PAFAH1B2: variants seen among roughly 807,000 people sequenced by gnomAD.
The protein encoded by PAFAH1B2 is platelet activating factor acetylhydrolase 1b catalytic subunit 2.
PAFAH1B2 carries 8 observed loss-of-function variants against 28.0 expected under a neutral mutation model. The ratio of observed to expected loss-of-function variants is 0.29; its 90% CI spans 0.17 to 0.52. The LOEUF (loss-of-function observed/expected upper bound fraction) is 0.52, where lower values mean the gene tolerates loss of function less well. PAFAH1B2 is among the 20% of genes least tolerant of loss of function. The pLI, the probability that PAFAH1B2 is intolerant of heterozygous loss-of-function variation, is 0.97. For missense variants in PAFAH1B2, 190 were observed against 282.6 expected (o/e 0.67, Z 2.35); for synonymous variants, 104 against 103.2 (o/e 1.01, Z -0.05).
intron 1 of PAFAH1B2, among the ~76,000 whole-genome samples, chr11:117,144,955 TC>T (rs1955962824): frequency 6.6e-6 from 1 of 152,244 alleles, no homozygotes; most frequent in African/African-American, 2.4e-5. Context: ...CGAGCACTTT[TC>T]CCTCCTCCTT....
At chr11:117,178,096 C>CT (rs964897229), downstream of PAFAH1B2, among the ~76,000 whole-genome samples, 1 of 152,188 alleles carries the variant, frequency 6.6e-6, no homozygotes, top group Non-Finnish European at 1.5e-5. Flanking sequence ...ATAAAGCTCT[C>CT]TAAGTTTCTT....
chr11:117,161,076 A>G, intron 3 of PAFAH1B2, 69 bp from the exon 4 acceptor site: 1 of 929,310 alleles, frequency 1.1e-6, no homozygotes, highest in South Asian at 1.4e-5. Context: ...GCCTTGCAAC[A>G]CATTGCAGTC....
At chr11:117,162,772 A>T (rs1353212620) in intron 4 of PAFAH1B2, among the ~76,000 whole-genome samples, 1 of 151,758 alleles carries the variant, frequency 6.6e-6, no homozygotes, top group Non-Finnish European at 1.5e-5. Context: ...ATAAATAGAA[A>T]AATTTGTTAA....
At position 117,151,867 on chromosome 11, in the gene PAFAH1B2, C is replaced by T. The variant is rs186817716; in HGVS notation, c.-7-574C>T. Reference sequence around the variant, plus strand: ...GACTACAGGCGCCCGCCACCTCACCCGGCTAATTTTTTTGTATTTTTAGTA... The same window carrying T: ...GACTACAGGCGCCCGCCACCTCACCTGGCTAATTTTTTTGTATTTTTAGTA... On this transcript the variant is annotated intron_variant, in intron 1 of 5. Transcript: ENST00000527958. Among the ~76,000 whole-genome samples, 707 of 152,124 alleles carry T rather than the reference C, an allele frequency of 4.6e-3. 3 individuals carry two copies. The highest frequency in any genetic ancestry group is 0.015 in the African/African-American group (635 of 41,490).
chr11:117,171,647 C>CT (rs1032334060), downstream of PAFAH1B2: 64 of 1,448,070 alleles, frequency 4.4e-5, no homozygotes, highest in African/African-American at 3.6e-4. Flanking sequence ...TCCAAATACT[C>CT]TATCTCAGAG....
chr11:117,157,728 C>G (rs1197270177), intron 2 of PAFAH1B2, among the ~76,000 whole-genome samples: 1 of 152,102 alleles, frequency 6.6e-6, no homozygotes, highest in East Asian at 1.9e-4. Flanking sequence ...GGAATTCAGT[C>G]CAGTCTGGGC....
At chr11:117,176,351 G>A (rs1008490816) in exon 6 of PAFAH1B2, 12 of 261,588 alleles carry the variant, frequency 4.6e-5, no homozygotes, top group African/African-American at 2.2e-4. Flanking sequence ...ACAGTACCTG[G>A]CACATCGTGG....
intron 1 of PAFAH1B2, among the ~76,000 whole-genome samples, chr11:117,144,868 A>G (rs1004016607): frequency 1.3e-5 from 2 of 151,856 alleles, no homozygotes; most frequent in Non-Finnish European, 2.9e-5. Flanking sequence ...CCTTTATCAC[A>G]GGGGTCTAAC....
exon 6 of PAFAH1B2, chr11:117,176,058 C>T (rs2029966001): frequency 4.9e-6 from 4 of 811,780 alleles, no homozygotes; most frequent in Non-Finnish European, 8.2e-6. Flanking sequence ...TTCTCTGATT[C>T]ATATTCGCCT....
chr11:117,158,537 A>G (rs1956302133), intron 2 of PAFAH1B2, among the ~76,000 whole-genome samples: 1 of 152,002 alleles, frequency 6.6e-6, no homozygotes, highest in Non-Finnish European at 1.5e-5. Context: ...ATTGGATCAT[A>G]GTTGAGAAAA....
At chr11:117,155,352 G>A (rs1956235310) in intron 2 of PAFAH1B2, among the ~76,000 whole-genome samples, 1 of 152,154 alleles carries the variant, frequency 6.6e-6, no homozygotes, top group Admixed American at 6.5e-5. Context: ...CTCAGCAGCA[G>A]ACTAAGGAAA....
intron 2 of PAFAH1B2, among the ~76,000 whole-genome samples, chr11:117,154,791 G>A (rs931518539): frequency 1.3e-5 from 2 of 152,046 alleles, no homozygotes; most frequent in Non-Finnish European, 2.9e-5. Flanking sequence ...TACTTGGAAT[G>A]ATATATCCTC....
chr11:117,160,245 T>C (rs901638190), intron 3 of PAFAH1B2, among the ~76,000 whole-genome samples: 8 of 152,238 alleles, frequency 5.3e-5, no homozygotes, highest in Non-Finnish European at 8.8e-5. Flanking sequence ...CTTCCTCTTC[T>C]ACTCTGGTTT....
chr11:117,174,144 G>C (rs1185826409), downstream of PAFAH1B2, among the ~76,000 whole-genome samples: 1 of 146,990 alleles, frequency 6.8e-6, no homozygotes, highest in African/African-American at 2.5e-5. Context: ...AATCCTGCTC[G>C]AGTGCAGTCT....
intron 5 of PAFAH1B2, among the ~76,000 whole-genome samples, chr11:117,164,961 T>TC (rs1244014942): frequency 6.7e-6 from 1 of 148,174 alleles, no homozygotes; most frequent in Non-Finnish European, 1.5e-5. Flanking sequence ...CTTTTTTCTT[T>TC]TTTTTTTTTT....
At chr11:117,152,632 GATCTCA>G in intron 2 of PAFAH1B2, 104 bp downstream of exon 2, 1 of 788,922 alleles carries the variant, frequency 1.3e-6, no homozygotes, top group Admixed American at 2.0e-5. Flanking sequence ...TGCCCAGGCT[GATCTCA>G]AACTGCAGGG....
chr11:117,148,090 C>T (rs1447677791), intron 1 of PAFAH1B2, among the ~76,000 whole-genome samples: 17 of 145,012 alleles, frequency 1.2e-4, no homozygotes, highest in African/African-American at 3.4e-4. Context: ...CTTGCTCTGT[C>T]ACCCAGAGTG....
chr11:117,150,359 A>C (rs1244047758), intron 1 of PAFAH1B2, among the ~76,000 whole-genome samples: 2 of 151,904 alleles, frequency 1.3e-5, no homozygotes, highest in Non-Finnish European at 2.9e-5. Flanking sequence ...CATGTTGGCC[A>C]GGCTGGTCTT....
chr11:117,168,495 TTTA>T lies in PAFAH1B2; in HGVS notation c.*797_*799del. On this transcript the variant is annotated 3_prime_UTR_variant, in exon 6 of 6. Transcript: ENST00000527958. ...TTGGTTCTTGTTGACATTACAAGCT[TTTA>T]ACACATTTTTGACCTAGGAGCCCTG... 3 of 858,202 alleles carry T rather than the reference TTTA, an allele frequency of 3.5e-6. No individual in the cohort carries two copies. Among genetic ancestry groups the T allele is most frequent in the Non-Finnish European group, 4.2e-6 (3 of 711,624 alleles). 53.2% of individuals were successfully genotyped at this position (858,202 alleles called of 1,614,324 possible).
Sources: gnomAD v4.1 joint callset for allele counts (sites outside exome capture counted in the v4.1 genomes callset) on GRCh38, gnomAD v4.1.1 for gene constraint, MANE v1.5 for transcripts, NCBI Gene and HGNC (gene_info 2026-07-23, HGNC 2026-07-21) for gene names.